Variants in EVC2 observed in about 807,000 individuals in gnomAD.
EVC2 encodes EvC ciliary complex subunit 2.
A neutral mutation model predicts 149.3 loss-of-function variants in EVC2; 148 were observed. The observed-to-expected ratio is 0.99, with a 90% CI of 0.87 to 1.14. EVC2 has a LOEUF of 1.14. Ranked by LOEUF, EVC2 falls within the 50% of genes most tolerant of loss-of-function variation. The pLI, the probability that EVC2 is intolerant of heterozygous loss-of-function variation, is 0.00. For synonymous variants in EVC2, 776 were observed against 649.9 expected (o/e 1.19, Z -2.95); for missense variants, 1,854 against 1,627.3 (o/e 1.14, Z -2.40).
intron 17 of EVC2, among the ~76,000 whole-genome samples, chr4:5,583,838 G>A (rs557444575): frequency 6.7e-5 from 10 of 149,488 alleles, no homozygotes; most frequent in Admixed American, 1.3e-4. Flanking sequence ...TTTTGTTTAT[G>A]CTGTACTTCA....
Position 5,662,084 on chromosome 4 carries a change from CTTT to C in EVC2, c.1145+1020_1145+1022del, listed in dbSNP as rs1162888406. ...TGGCCTCTCTCCCCTGCTGCCTCTT[CTTT>C]ATTTTCTATACTCAATACCCCAATC... is the stretch of plus-strand genomic sequence containing the variant. On this transcript the variant is annotated intron_variant, in intron 9 of 21. Transcript: ENST00000344408. 2.0e-5 allele frequency among the ~76,000 whole-genome samples: 3 copies of C among 152,290 alleles called. No individual in the cohort carries two copies. The East Asian group carries it at 5.8e-4, about 29-fold the overall frequency.
chr4:5,627,901 C>T (rs1716232226), intron 12 of EVC2, among the ~76,000 whole-genome samples: 1 of 152,058 alleles, frequency 6.6e-6, no homozygotes, highest in Non-Finnish European at 1.5e-5. Flanking sequence ...CTGATTTCTC[C>T]AGAATATGTT....
chr4:5,694,088 A>G (rs1219668870), intron 3 of EVC2, among the ~76,000 whole-genome samples: 2 of 152,206 alleles, frequency 1.3e-5, no homozygotes, highest in Non-Finnish European at 2.9e-5. Flanking sequence ...CTGCTTCAGA[A>G]ACACCAGATG....
At chr4:5,634,880 G>A (rs1447249214) in intron 10 of EVC2, among the ~76,000 whole-genome samples, 1 of 151,998 alleles carries the variant, frequency 6.6e-6, no homozygotes, top group East Asian at 1.9e-4. Flanking sequence ...CAAAGAGCAC[G>A]CCCTGCCTGT....
downstream of EVC2, among the ~76,000 whole-genome samples, chr4:5,559,108 G>A (rs1472692969): frequency 1.3e-5 from 2 of 152,146 alleles, no homozygotes; most frequent in African/African-American, 2.4e-5. The surrounding 1 kb of genome is among the most constrained non-coding windows in gnomAD (Gnocchi z 5.0). Context: ...TACTTGGGAG[G>A]TTGAGGTATG....
At chr4:5,605,630 A>T (rs559317578) in intron 16 of EVC2, among the ~76,000 whole-genome samples, 3 of 152,358 alleles carry the variant, frequency 2.0e-5, no homozygotes, top group Admixed American at 1.3e-4. Flanking sequence ...ATGTTGAAGC[A>T]AGAGAAAGAA....
chr4:5,698,684 T>C (rs564724528), intron 1 of EVC2, among the ~76,000 whole-genome samples: 5 of 152,312 alleles, frequency 3.3e-5, no homozygotes, highest in South Asian at 4.1e-4. Flanking sequence ...CCTATAGAAA[T>C]GCATGAAGCA....
rs1371125027 is a variant in EVC2, at chr4:5,679,122, TC to T, written c.870+2137del. The stretch of plus-strand genomic sequence containing the variant: ...ATGTATCATAACTCGAGCTTGCAGG[TC>T]TGGAAGTTGCTCTGGGCCAGTCAGT... On this transcript the variant is annotated intron_variant, in intron 7 of 21. Coordinates refer to ENST00000344408, the MANE Select transcript of EVC2 (RefSeq NM_147127.5). The surrounding 1 kb of genome is among the most constrained non-coding windows in gnomAD (Gnocchi z 5.1). Among the ~76,000 whole-genome samples, 2 of 151,610 alleles carry T rather than the reference TC, an allele frequency of 1.3e-5. No individual in the cohort carries two copies. The highest frequency in any genetic ancestry group is 4.8e-5 in the African/African-American group (2 of 41,260).
downstream of EVC2, among the ~76,000 whole-genome samples, chr4:5,540,609 C>T (rs1047238657): frequency 1.3e-5 from 2 of 152,110 alleles, no homozygotes; most frequent in Admixed American, 6.6e-5. Context: ...AAAATGCAAA[C>T]GAATCTACAG....
chr4:5,584,271 A>G (rs1712066811), intron 17 of EVC2, among the ~76,000 whole-genome samples: 1 of 152,208 alleles, frequency 6.6e-6, no homozygotes, highest in South Asian at 2.1e-4. Flanking sequence ...AATTTTTTAA[A>G]TAATAAATAA....
Position 5,628,726 on chromosome 4 carries a change from T to C in EVC2, c.1719A>G (p.Val573=). The C allele has an allele frequency of 1.2e-6, 2 of 1,604,942 alleles. No individual in the cohort carries two copies. The highest frequency in any genetic ancestry group is 1.7e-6 in the Non-Finnish European group (2 of 1,179,188). The change falls in exon 12 of 22, where the codon GTA becomes GTG. Residue 573 remains valine (V), a synonymous_variant. Transcript: ENST00000344408. ...CCTGGAAAAAGTCCATTAACTCTTC[T>C]ACATTCTCCTGTCAATTAAAAAAAA... is the stretch of plus-strand genomic sequence containing the variant. The part of the protein sequence containing the change: ...LQNYSKIQEN[V]EELMDFFQAS...
intron 7 of EVC2, among the ~76,000 whole-genome samples, chr4:5,673,894 T>C (rs1326789665): frequency 6.6e-6 from 1 of 152,244 alleles, no homozygotes; most frequent in Non-Finnish European, 1.5e-5. Context: ...TGAAGCTATT[T>C]TATTCTTCCA....
At chr4:5,612,863 A>C (rs1474582118) in intron 16 of EVC2, among the ~76,000 whole-genome samples, 7 of 136,844 alleles carry the variant, frequency 5.1e-5, no homozygotes, top group Non-Finnish European at 9.2e-5. Flanking sequence ...CAGAGCTTGC[A>C]GTGAGCCAGG....
At chr4:5,698,146 G>A (rs1341801703) in intron 1 of EVC2, among the ~76,000 whole-genome samples, 2 of 152,134 alleles carry the variant, frequency 1.3e-5, no homozygotes, top group Non-Finnish European at 2.9e-5. Context: ...CTCTTTCCCA[G>A]GGAGAGAATC....
At chr4:5,623,362 C>T (rs1014493593) in intron 13 of EVC2, among the ~76,000 whole-genome samples, 11 of 149,704 alleles carry the variant, frequency 7.3e-5, no homozygotes. Context: ...TTTTTTGAGA[C>T]AGGGTCTCCT....
chr4:5,685,741 G>T (rs889141035), intron 5 of EVC2, among the ~76,000 whole-genome samples: 1 of 152,178 alleles, frequency 6.6e-6, no homozygotes, highest in Non-Finnish European at 1.5e-5. Context: ...CACGAGTGGG[G>T]GTGCACCACC....
At chr4:5,643,921 A>G (rs569740421) in intron 9 of EVC2, among the ~76,000 whole-genome samples, 1 of 152,326 alleles carries the variant, frequency 6.6e-6, no homozygotes, top group African/African-American at 2.4e-5. Flanking sequence ...AACAATCCCA[A>G]TAATTAGAAA....
intron 17 of EVC2, among the ~76,000 whole-genome samples, chr4:5,581,206 G>C (rs909125677): frequency 1.3e-5 from 2 of 152,214 alleles, no homozygotes; most frequent in African/African-American, 4.8e-5. Context: ...AATTGGTACT[G>C]AGGAGTGGAC....
At chr4:5,697,167 C>T (rs1721527942) in intron 2 of EVC2, among the ~76,000 whole-genome samples, 2 of 152,204 alleles carry the variant, frequency 1.3e-5, no homozygotes, top group African/African-American at 4.8e-5. Context: ...CTGGAACCTC[C>T]AGAGGGAGCA....
Sources: allele counts gnomAD v4.1 joint callset (sites outside exome capture counted in the v4.1 genomes callset), GRCh38; gene constraint gnomAD v4.1.1; non-coding constraint Gnocchi (gnomAD v3.1); transcripts MANE v1.5; gene names NCBI Gene and HGNC (gene_info 2026-07-23, HGNC 2026-07-21).